The following DPYD variants were observed in gnomAD, a reference collection of about 807,000 sequenced individuals.
The protein encoded by DPYD is dihydropyrimidine dehydrogenase.
A neutral mutation model predicts 116.2 loss-of-function variants in DPYD; 109 were observed. That is an observed-to-expected ratio of 0.94 (90% CI 0.80 to 1.10). DPYD has a LOEUF of 1.10. Among genes scored for constraint, DPYD ranks in the 50% least tolerant of loss-of-function variants. The pLI is 0.00. For synonymous variants in DPYD, 440 were observed against 432.0 expected (o/e 1.02, Z -0.23); for missense variants, 1,302 against 1,254.5 (o/e 1.04, Z -0.57).
chr1:97,634,751 T>C (rs964505183), intron 8 of DPYD, among the ~76,000 whole-genome samples: 6 of 151,970 alleles, frequency 3.9e-5, no homozygotes, highest in African/African-American at 1.4e-4. Flanking sequence ...TTGACACTGG[T>C]GGCCACAGTA....
intron 16 of DPYD, among the ~76,000 whole-genome samples, chr1:97,335,896 T>C (rs906267203): frequency 2.0e-5 from 3 of 152,180 alleles, no homozygotes; most frequent in African/African-American, 7.2e-5. Flanking sequence ...GTTTCAAGGC[T>C]ACCCAGACCT....
intron 18 of DPYD, among the ~76,000 whole-genome samples, chr1:97,301,431 T>C (rs191017675): frequency 1.4e-3 from 206 of 152,146 alleles, no homozygotes; most frequent in African/African-American, 4.8e-3. Context: ...AATAAGTTTT[T>C]CAAGCTTGTG....
At chr1:97,188,263 C>A (rs1658132940) in intron 20 of DPYD, among the ~76,000 whole-genome samples, 1 of 151,992 alleles carries the variant, frequency 6.6e-6, no homozygotes, top group African/African-American at 2.4e-5. Context: ...TTAATATCAC[C>A]AATATGTATT....
At chr1:97,420,246 C>A (rs1332463544) in intron 14 of DPYD, 1 of 152,378 alleles carries the variant, frequency 6.6e-6, no homozygotes, top group South Asian at 2.1e-4. Flanking sequence ...AGGTGGCCAA[C>A]TGAAGTAGGT....
intron 8 of DPYD, among the ~76,000 whole-genome samples, chr1:97,598,678 A>C (rs1316155476): frequency 6.6e-6 from 1 of 152,164 alleles, no homozygotes; most frequent in Non-Finnish European, 1.5e-5. Context: ...GTTACAGAAA[A>C]TTTAAATTAA....
At chr1:97,792,497 A>G (rs893165670) in intron 3 of DPYD, among the ~76,000 whole-genome samples, 1 of 151,956 alleles carries the variant, frequency 6.6e-6, no homozygotes, top group Non-Finnish European at 1.5e-5. Context: ...TGATCTGTCC[A>G]CCTCAGCCTC....
intron 19 of DPYD, among the ~76,000 whole-genome samples, chr1:97,196,391 C>T (rs1464481168): frequency 2.6e-5 from 4 of 152,120 alleles, no homozygotes; most frequent in African/African-American, 9.7e-5. Context: ...GCTGGGATTA[C>T]AGGCATGGAC....
At chr1:97,709,390 C>T (rs997044835) in intron 5 of DPYD, among the ~76,000 whole-genome samples, 1 of 151,738 alleles carries the variant, frequency 6.6e-6, no homozygotes, top group African/African-American at 2.4e-5. Flanking sequence ...TTTGTAAGTA[C>T]ATGGTATATA....
intron 18 of DPYD, among the ~76,000 whole-genome samples, chr1:97,266,871 A>G (rs1159081254): frequency 6.6e-6 from 1 of 152,090 alleles, no homozygotes; most frequent in Admixed American, 6.5e-5. Context: ...ATCCTTTTTT[A>G]TAGCTGCATA....
At chr1:97,233,092 C>A (rs1421307444) in intron 19 of DPYD, among the ~76,000 whole-genome samples, 1 of 152,102 alleles carries the variant, frequency 6.6e-6, no homozygotes, top group Admixed American at 6.6e-5. Context: ...CTCCTTAATG[C>A]CAGATAGAAG....
intron 11 of DPYD, among the ~76,000 whole-genome samples, chr1:97,567,526 G>A (rs375428520): frequency 2.6e-5 from 4 of 152,180 alleles, no homozygotes; most frequent in South Asian, 2.1e-4. Context: ...CAGAAGGGTC[G>A]TATCTTCCCT....
intron 7 of DPYD, among the ~76,000 whole-genome samples, chr1:97,685,246 T>C (rs373619008): frequency 2.0e-5 from 3 of 152,158 alleles, no homozygotes; most frequent in Non-Finnish European, 4.4e-5. Context: ...AAAAAACACA[T>C]GATTATCTCA....
At chr1:97,577,183 T>C (rs1185257185) in intron 10 of DPYD, among the ~76,000 whole-genome samples, 2 of 152,176 alleles carry the variant, frequency 1.3e-5, no homozygotes, top group Non-Finnish European at 2.9e-5. Flanking sequence ...AGAAGAAAGA[T>C]TCAGTCACCC....
intron 8 of DPYD, among the ~76,000 whole-genome samples, chr1:97,619,513 T>C (rs1656503471): frequency 6.6e-6 from 1 of 152,166 alleles, no homozygotes; most frequent in South Asian, 2.1e-4. Context: ...GAAGGAATAA[T>C]CTGCTTTTCT....
At chr1:97,440,634 C>T (rs959971641) in intron 14 of DPYD, among the ~76,000 whole-genome samples, 2 of 152,152 alleles carry the variant, frequency 1.3e-5, no homozygotes, top group African/African-American at 4.8e-5. Flanking sequence ...AGTATACTTC[C>T]ATCTCTTTCC....
At chr1:97,823,106 T>C (rs546160044) in intron 3 of DPYD, among the ~76,000 whole-genome samples, 1 of 152,294 alleles carries the variant, frequency 6.6e-6, no homozygotes, top group African/African-American at 2.4e-5. Flanking sequence ...GTAATTAGCA[T>C]ATCTATTACC....
intron 20 of DPYD, among the ~76,000 whole-genome samples, chr1:97,154,271 T>C (rs1482844064): frequency 6.6e-6 from 1 of 152,020 alleles, no homozygotes; most frequent in Non-Finnish European, 1.5e-5. Context: ...AATGAGTGGA[T>C]AAAGAAAACG....
chr1:97,496,482 A>C (rs2811187), intron 13 of DPYD, among the ~76,000 whole-genome samples: 27,288 of 152,006 alleles, frequency 0.18, 2,625 homozygotes, highest in East Asian at 0.26. Flanking sequence ...ATCCTTTAAG[A>C]TAAAGTTCAA....
chr1:97,166,603 A>G (rs1318243327), intron 20 of DPYD, among the ~76,000 whole-genome samples: 1 of 152,210 alleles, frequency 6.6e-6, no homozygotes, highest in Non-Finnish European at 1.5e-5. Flanking sequence ...ACTGTACAGT[A>G]AAGCTTAGGT....
Sources: gnomAD v4.1 joint callset for allele counts (sites outside exome capture counted in the v4.1 genomes callset) on GRCh38, gnomAD v4.1.1 for gene constraint, MANE v1.5 for transcripts, NCBI Gene and HGNC (gene_info 2026-07-23, HGNC 2026-07-21) for gene names.